The following PICALM variants were observed in gnomAD, a reference collection of about 807,000 sequenced individuals.
The protein encoded by PICALM is phosphatidylinositol-binding clathrin assembly protein.
Under a neutral mutation model 80.5 loss-of-function variants are expected in PICALM, and 40 were observed. The ratio of observed to expected loss-of-function variants is 0.50; its 90% CI spans 0.39 to 0.65. PICALM has a LOEUF of 0.65. Among genes scored for constraint, PICALM ranks in the 30% least tolerant of loss-of-function variants. The pLI is 0.00. For missense variants in PICALM, 676 were observed against 778.9 expected, an observed-to-expected ratio of 0.87 and a Z score of 1.57; for synonymous variants, 288 against 260.3, an observed-to-expected ratio of 1.11 and a Z score of -1.02.
chr11:85,967,823 C>T (rs2093954184), intron 19 of PICALM, among the ~76,000 whole-genome samples: 2 of 152,146 alleles, frequency 1.3e-5, no homozygotes, highest in South Asian at 2.1e-4. Context: ...TTAAATTATT[C>T]GAATATCTAA....
rs994249424 is a variant in PICALM at position 85,957,336 on chromosome 11, T to C, written c.*1710A>G. ...ACTCTGAACCCTATGCACTACTAAA[T>C]AGGCAATATGATACAATCAAAGGTT... On this transcript the variant is annotated 3_prime_UTR_variant, in exon 20 of 20. Coordinates refer to ENST00000393346, the MANE Select transcript of PICALM (RefSeq NM_007166.4). 6.6e-6 allele frequency among the ~76,000 whole-genome samples: 1 copy of C among 152,206 alleles called. No individual in the cohort carries two copies. The highest frequency in any genetic ancestry group is 1.5e-5 in the Non-Finnish European group (1 of 68,014).
intron 1 of PICALM, among the ~76,000 whole-genome samples, chr11:86,038,866 G>A (rs191679846): frequency 2.0e-5 from 3 of 151,844 alleles, no homozygotes; most frequent in South Asian, 2.1e-4. Flanking sequence ...ATCCCAGTAC[G>A]TTGGGGGTCA....
At chr11:86,010,381 C>T (rs1455686775) in intron 7 of PICALM, among the ~76,000 whole-genome samples, 1 of 150,410 alleles carries the variant, frequency 6.6e-6, no homozygotes, top group Non-Finnish European at 1.5e-5. Flanking sequence ...GCCTGGAGTG[C>T]AGTGGTGCGA....
At chr11:86,004,098 G>T (rs2095222927) in intron 8 of PICALM, among the ~76,000 whole-genome samples, 1 of 152,050 alleles carries the variant, frequency 6.6e-6, no homozygotes, top group South Asian at 2.1e-4. Flanking sequence ...ACCCCAAAGA[G>T]ATAAAAACTT....
Position 85,981,082 on chromosome 11 carries a change from A to C in PICALM, c.1779+47T>G, listed in dbSNP as rs780443484. 20 of 870,782 alleles carry C rather than the reference A, an allele frequency of 2.3e-5. No individual in the cohort carries two copies. In the East Asian group the frequency reaches 4.8e-4, roughly 21 times the overall value. 53.9% of individuals were successfully genotyped at this position (870,782 alleles called of 1,614,324 possible). A position where few individuals can be genotyped will look rare whatever the true frequency, so the allele number is the denominator to read the frequency against. ...AAAAACATTTTCATGTTACATATTT[A>C]ACTAAATTATTCAACTGTTAGTCTA... On this transcript the variant is annotated intron_variant, in intron 17 of 19. Transcript: ENST00000393346.
chr11:86,037,918 G>A (rs1452271166), intron 1 of PICALM, among the ~76,000 whole-genome samples: 3 of 152,188 alleles, frequency 2.0e-5, no homozygotes, highest in African/African-American at 7.2e-5. Context: ...GTTCTGTACT[G>A]TAATTTATTC....
At chr11:85,997,510 GC>G (rs2095008532) in intron 11 of PICALM, among the ~76,000 whole-genome samples, 1 of 152,068 alleles carries the variant, frequency 6.6e-6, no homozygotes, top group Non-Finnish European at 1.5e-5. Flanking sequence ...TCGCTCTGTC[GC>G]CCAGGATGGA....
intron 1 of PICALM, among the ~76,000 whole-genome samples, chr11:86,045,748 T>C (rs936871741): frequency 3.9e-5 from 6 of 152,084 alleles, no homozygotes; most frequent in African/African-American, 1.4e-4. Flanking sequence ...TCTTAAAGAG[T>C]GTATCTTTAT....
chr11:86,041,998 G>A (rs1024316985), intron 1 of PICALM, among the ~76,000 whole-genome samples: 6 of 152,030 alleles, frequency 3.9e-5, no homozygotes, highest in African/African-American at 7.3e-5. Flanking sequence ...AAATTACTAC[G>A]TAAGCCTTCT....
chr11:86,000,232 T>A (rs886501584), intron 11 of PICALM, among the ~76,000 whole-genome samples: 2 of 152,196 alleles, frequency 1.3e-5, no homozygotes, highest in African/African-American at 2.4e-5. Flanking sequence ...GATTACAGAG[T>A]TTAAAACCAG....
chr11:85,987,924 A>C (rs1240463854), intron 13 of PICALM, among the ~76,000 whole-genome samples: 1 of 152,266 alleles, frequency 6.6e-6, no homozygotes, highest in African/African-American at 2.4e-5. Flanking sequence ...ATACTTGCTT[A>C]AAGTCAAGTT....
chr11:86,023,918 G>T (rs995504836), intron 3 of PICALM, among the ~76,000 whole-genome samples: 2 of 152,192 alleles, frequency 1.3e-5, no homozygotes, highest in African/African-American at 2.4e-5. Flanking sequence ...TAGACCAAGA[G>T]TTCAAGACCA....
chr11:86,011,909 G>A (rs867167540), intron 6 of PICALM, among the ~76,000 whole-genome samples: 3 of 143,256 alleles, frequency 2.1e-5, no homozygotes, highest in Non-Finnish European at 3.0e-5. Flanking sequence ...GGAGTACAAT[G>A]GCACGATCTA....
At position 85,992,191 on chromosome 11, in the gene PICALM, T is replaced by C. The variant is rs527747044; in HGVS notation, c.1259-1792A>G. Among the ~76,000 whole-genome samples the C allele has an allele frequency of 9.1e-4, 138 of 151,962 alleles. 2 individuals carry two copies. The South Asian group carries it at 0.027, about 30-fold the overall frequency. ...ATATATATATTTTAGCTAATATATA[T>C]ACTGATGGCCACTCTAGCTTCTTCT... On this transcript the variant is annotated intron_variant, in intron 12 of 19. Coordinates refer to ENST00000393346, the MANE Select transcript of PICALM (RefSeq NM_007166.4).
chr11:85,992,683 CA>C (rs1198985744), intron 12 of PICALM, among the ~76,000 whole-genome samples: 1 of 151,696 alleles, frequency 6.6e-6, no homozygotes, highest in African/African-American at 2.4e-5. Flanking sequence ...GTTTTTCACG[CA>C]AAAAAAGCCA....
At chr11:86,023,429 C>T (rs1255130965) in intron 3 of PICALM, 9 of 983,588 alleles carry the variant, frequency 9.2e-6, no homozygotes, top group East Asian at 1.1e-4. Flanking sequence ...CTACTGTACA[C>T]GTCAGGTGTT....
chr11:86,052,431 G>GA (rs2096205081), intron 1 of PICALM, among the ~76,000 whole-genome samples: 1 of 152,300 alleles, frequency 6.6e-6, no homozygotes, highest in East Asian at 1.9e-4. Context: ...CCTGAAGACT[G>GA]AAAGTTTCCT....
intron 6 of PICALM, 95 bp downstream of exon 6, chr11:86,012,186 T>A: frequency 1.7e-6 from 1 of 577,590 alleles, no homozygotes; most frequent in Non-Finnish European, 3.0e-6. Flanking sequence ...TATATCATAA[T>A]AAATTTTTAG....
intron 7 of PICALM, 82 bp downstream of exon 7, chr11:86,010,948 T>C (rs1196655940): frequency 2.9e-6 from 2 of 679,728 alleles, no homozygotes; most frequent in Non-Finnish European, 5.3e-6. Flanking sequence ...TTTATTTTAT[T>C]TGGATAGTGA....
Sources: allele counts gnomAD v4.1 joint callset (sites outside exome capture counted in the v4.1 genomes callset), GRCh38; gene constraint gnomAD v4.1.1; transcripts MANE v1.5; gene names NCBI Gene and HGNC (gene_info 2026-07-23, HGNC 2026-07-21).